EFHD1: variants seen among roughly 807,000 people sequenced by gnomAD.
The protein encoded by EFHD1 is EF-hand domain family member D1, also known as EF-hand domain-containing protein D1.
EFHD1 carries 10 observed loss-of-function variants against 17.2 expected under a neutral mutation model. The ratio of observed to expected loss-of-function variants is 0.58; its 90% CI spans 0.36 to 0.99. The LOEUF (loss-of-function observed/expected upper bound fraction) is 0.99, where lower values mean the gene tolerates loss of function less well. EFHD1 is among the 50% of genes least tolerant of loss of function. The probability of loss-of-function intolerance (pLI) is 0.01; values close to 1 mark genes in which losing one functional copy is unlikely to be tolerated. For missense variants in EFHD1, 310 were observed against 327.5 expected, an observed-to-expected ratio of 0.95 and a Z score of 0.41; for synonymous variants, 153 against 142.0, an observed-to-expected ratio of 1.08 and a Z score of -0.55.
chr2:232,671,828 G>A (rs576999843), intron 2 of EFHD1, among the ~76,000 whole-genome samples: 21 of 152,078 alleles, frequency 1.4e-4, no homozygotes, highest in Non-Finnish European at 2.4e-4. Flanking sequence ...AGGCCGAGGC[G>A]GACAGATCAC....
At chr2:232,644,942 AT>A (rs752790323) in intron 1 of EFHD1, among the ~76,000 whole-genome samples, 3,164 of 114,358 alleles carry the variant, frequency 0.028, 41 homozygotes, top group African/African-American at 0.062. Context: ...ATGCCTGGCA[AT>A]TTTTTTTTTT....
chr2:232,627,071 T>A (rs1173331204), intron 1 of EFHD1, among the ~76,000 whole-genome samples: 15 of 141,298 alleles, frequency 1.1e-4, no homozygotes, highest in Admixed American at 8.7e-4. Context: ...TATATTTTTT[T>A]TTTTTTTTAA....
chr2:232,627,061 TATA>T (rs143935000), intron 1 of EFHD1, among the ~76,000 whole-genome samples: 192 of 115,076 alleles, frequency 1.7e-3, no homozygotes, highest in African/African-American at 3.6e-3. Context: ...TATATATATA[TATA>T]TTTTTTTTTT....
intron 1 of EFHD1, among the ~76,000 whole-genome samples, chr2:232,636,934 A>G (rs1476464264): frequency 6.6e-6 from 1 of 152,144 alleles, no homozygotes; most frequent in Non-Finnish European, 1.5e-5. Context: ...TGAGCTGTGG[A>G]GTGGTGACCT....
At chr2:232,641,517 T>C (rs111281093) in intron 1 of EFHD1, among the ~76,000 whole-genome samples, 14 of 152,290 alleles carry the variant, frequency 9.2e-5, no homozygotes, top group African/African-American at 3.1e-4. Flanking sequence ...TTCTAGGCCA[T>C]GGGTGGGCAA....
intron 1 of EFHD1, chr2:232,606,453 G>T (rs1002669154): frequency 2.8e-5 from 16 of 566,690 alleles, no homozygotes; most frequent in Non-Finnish European, 1.3e-5. Flanking sequence ...AGTCCCCATC[G>T]TCCTCCCCTG....
chr2:232,665,146 G>C (rs2106212963), intron 2 of EFHD1, among the ~76,000 whole-genome samples: 1 of 152,280 alleles, frequency 6.6e-6, no homozygotes, highest in South Asian at 2.1e-4. Flanking sequence ...AATAGTCCAA[G>C]AATGGACTTG....
At chr2:232,671,797 C>A (rs770738904) in intron 2 of EFHD1, among the ~76,000 whole-genome samples, 3 of 151,922 alleles carry the variant, frequency 2.0e-5, no homozygotes, top group Non-Finnish European at 4.4e-5. Flanking sequence ...TGGCTCACGC[C>A]TGTAATCCCA....
chr2:232,608,202 T>C (rs2106179325), intron 1 of EFHD1, among the ~76,000 whole-genome samples: 1 of 152,122 alleles, frequency 6.6e-6, no homozygotes, highest in Non-Finnish European at 1.5e-5. Context: ...AAACCCCGTC[T>C]CTACTAAAAA....
intron 1 of EFHD1, among the ~76,000 whole-genome samples, chr2:232,641,747 T>C (rs1694436077): frequency 6.6e-6 from 1 of 152,224 alleles, no homozygotes; most frequent in South Asian, 2.1e-4. Flanking sequence ...GAATCTTGAA[T>C]CCAGAGCCTG....
chr2:232,620,631 C>T (rs1295603980), intron 1 of EFHD1, among the ~76,000 whole-genome samples: 1 of 152,058 alleles, frequency 6.6e-6, no homozygotes, highest in Non-Finnish European at 1.5e-5. Flanking sequence ...CTTCCCTTTC[C>T]TTTAAGATTC....
In EFHD1 at chr2:232,682,637, T is replaced by G. The variant is rs1695312680; in HGVS notation, c.*918T>G. The stretch of plus-strand genomic sequence containing the variant: ...GGGTATCCAGCTGTAGATGTTCTTA[T>G]CCCCCATACTTGTGAGTTCTTGGGG... On this transcript the variant is annotated 3_prime_UTR_variant, in exon 4 of 4. Coordinates refer to ENST00000264059, the MANE Select transcript of EFHD1 (RefSeq NM_025202.4). 6.6e-6 allele frequency: 1 copy of G among 152,186 alleles called. No individual in the cohort carries two copies. The highest frequency in any genetic ancestry group is 1.5e-5 in the Non-Finnish European group (1 of 68,042). 9.4% of individuals were successfully genotyped at this position (152,186 alleles called of 1,614,324 possible).
intron 3 of EFHD1, among the ~76,000 whole-genome samples, chr2:232,681,077 A>C (rs1338768710): frequency 6.6e-6 from 1 of 151,908 alleles, no homozygotes; most frequent in Admixed American, 6.6e-5. Context: ...AACTGCTTGA[A>C]CCTGGGAGAT....
At chr2:232,678,300 A>G (rs114607851) in intron 3 of EFHD1, among the ~76,000 whole-genome samples, 1 of 152,254 alleles carries the variant, frequency 6.6e-6, no homozygotes, top group African/African-American at 2.4e-5. Context: ...AAAACTTCAA[A>G]AAATGGAATG....
Position 232,671,032 on chromosome 2 carries a change from A to G in EFHD1, c.451-1277A>G, listed in dbSNP as rs1186809570. On this transcript the variant is annotated intron_variant, in intron 2 of 3. Transcript: ENST00000264059. Reference sequence around the variant, plus strand: ...AGGATGCTGCTAATTTTTTACTTTCATAGATAATGTTTAAACCATTGTAGG... The same window carrying G: ...AGGATGCTGCTAATTTTTTACTTTCGTAGATAATGTTTAAACCATTGTAGG... Among the ~76,000 whole-genome samples, 4 of 152,220 alleles carry G rather than the reference A, an allele frequency of 2.6e-5. No individual in the cohort carries two copies. In the East Asian group the frequency reaches 7.7e-4, roughly 29 times the overall value.
At chr2:232,609,398 G>A (rs1240612975) in intron 1 of EFHD1, among the ~76,000 whole-genome samples, 2 of 152,124 alleles carry the variant, frequency 1.3e-5, no homozygotes, top group African/African-American at 4.8e-5. Context: ...TGAAGTGTTT[G>A]CAAACATAGT....
chr2:232,647,620 C>T (rs1482375627), intron 1 of EFHD1, among the ~76,000 whole-genome samples: 3 of 151,434 alleles, frequency 2.0e-5, no homozygotes, highest in African/African-American at 7.3e-5. Flanking sequence ...GTTTCCTGGC[C>T]CCTCAGGACT....
At chr2:232,641,914 C>T (rs1694439090) in intron 1 of EFHD1, among the ~76,000 whole-genome samples, 1 of 152,182 alleles carries the variant, frequency 6.6e-6, no homozygotes, top group Non-Finnish European at 1.5e-5. Context: ...GGAAGATTAG[C>T]ACTGGAGAAG....
chr2:232,668,272 T>G (rs1695002435), intron 2 of EFHD1, among the ~76,000 whole-genome samples: 1 of 152,246 alleles, frequency 6.6e-6, no homozygotes, highest in South Asian at 2.1e-4. Flanking sequence ...TTCATGGAAG[T>G]CTGGGCGCTT....
Sources: gnomAD v4.1 joint callset for allele counts (sites outside exome capture counted in the v4.1 genomes callset) on GRCh38, gnomAD v4.1.1 for gene constraint, MANE v1.5 for transcripts, NCBI Gene and HGNC (gene_info 2026-07-23, HGNC 2026-07-21) for gene names.